The following ACTR5 variants were observed in gnomAD, a reference collection of about 807,000 sequenced individuals.
The protein encoded by ACTR5 is actin related protein 5.
Under a neutral mutation model 61.2 loss-of-function variants are expected in ACTR5, and 43 were observed. The ratio of observed to expected loss-of-function variants is 0.70; its 90% CI spans 0.55 to 0.91. The LOEUF is 0.91. Ranked by LOEUF, ACTR5 falls within the 40% of genes least tolerant of loss-of-function variation. The pLI, the probability that ACTR5 is intolerant of heterozygous loss-of-function variation, is 0.00. For missense variants in ACTR5, 798 were observed against 782.2 expected, an observed-to-expected ratio of 1.02 and a Z score of -0.24; for synonymous variants, 333 against 310.5, an observed-to-expected ratio of 1.07 and a Z score of -0.76.
At chr20:38,754,704 C>T (rs991331308) in intron 3 of ACTR5, among the ~76,000 whole-genome samples, 9 of 152,004 alleles carry the variant, frequency 5.9e-5, no homozygotes, top group Non-Finnish European at 1.0e-4. Flanking sequence ...GGTGACAGGG[C>T]GAGCCTCCCG....
In ACTR5 at chr20:38,748,914, C is replaced by G; in HGVS notation, c.375+61C>G. The G allele has an allele frequency of 8.5e-6, 13 of 1,530,014 alleles. No homozygotes were observed. The South Asian group carries it at 1.5e-4, about 18-fold the overall frequency. The allele number at this position is 1,530,014 out of a possible 1,614,324, so 94.8% of individuals were successfully genotyped here. On this transcript the variant is annotated intron_variant, in intron 1 of 8. Coordinates refer to ENST00000243903, the MANE Select transcript of ACTR5 (RefSeq NM_024855.4). ...GAGGGGAGGGGTGCGGTCTCGTCTC[C>G]GCTCACTCTGCTCTCGGAGAGGTAA...
chr20:38,763,437 C>T lies in ACTR5; in HGVS notation c.1177-1965C>T, dbSNP rs1222275372. Among the ~76,000 whole-genome samples the T allele has an allele frequency of 2.0e-5, 3 of 152,322 alleles. No homozygotes were observed. In the East Asian group the frequency reaches 5.8e-4, roughly 29 times the overall value. ...GCTGTCCCTGCTGGGACAGAGGAGC[C>T]TGTCATTGCCTCAGCTGGTCTTGCT... On this transcript the variant is annotated intron_variant, in intron 5 of 8. Coordinates refer to ENST00000243903, the MANE Select transcript of ACTR5 (RefSeq NM_024855.4).
At position 38,771,639 on chromosome 20, in the gene ACTR5, A is replaced by T; in HGVS notation, c.1647A>T (p.Glu549Asp). 4 of 1,614,142 alleles carry T rather than the reference A, an allele frequency of 2.5e-6. No homozygotes were observed. Among genetic ancestry groups the T allele is most frequent in the Non-Finnish European group, 3.4e-6 (4 of 1,180,024 alleles). Residue 549 changes from glutamate to aspartate, a missense_variant, in exon 9 of 9, where the codon GAA becomes GAT. Physicochemically the swap from Glu to Asp is conservative, Grantham distance 45. Transcript: ENST00000243903. ...CCTTGAACCACCTAGATGATAATGA[A>T]GTTTGGATCACCAGGAAAGAGTATG... is the stretch of plus-strand genomic sequence containing the variant. The part of the protein sequence containing the change: ...DWALNHLDDN[E>D]VWITRKEYEE...
chr20:38,750,738 C>G (rs2084382736), intron 2 of ACTR5, among the ~76,000 whole-genome samples: 1 of 152,062 alleles, frequency 6.6e-6, no homozygotes, highest in Non-Finnish European at 1.5e-5. Flanking sequence ...AATTGATTCT[C>G]CTGCCTCAGC....
intron 5 of ACTR5, among the ~76,000 whole-genome samples, chr20:38,762,158 C>T (rs1016534175): frequency 8.5e-5 from 13 of 152,174 alleles, no homozygotes; most frequent in African/African-American, 3.1e-4. Flanking sequence ...GGACTGGAAT[C>T]AGCTGGAGGG....
At chr20:38,756,273 C>G (rs1052658928) in intron 5 of ACTR5, among the ~76,000 whole-genome samples, 1 of 152,224 alleles carries the variant, frequency 6.6e-6, no homozygotes, top group Non-Finnish European at 1.5e-5. Flanking sequence ...GAAGAACATT[C>G]ACACACCAAA....
intron 8 of ACTR5, among the ~76,000 whole-genome samples, chr20:38,769,659 C>T (rs1010386827): frequency 3.9e-5 from 6 of 152,064 alleles, no homozygotes; most frequent in Non-Finnish European, 5.9e-5. Context: ...GCTGGATGAG[C>T]GCTCGGTGGG....
rs1265939936 is a variant in ACTR5 at position 38,750,223 on chromosome 20, C to A, written c.589C>A (p.Pro197Thr). Residue 197 changes from proline (P) to threonine (T), a missense_variant, in exon 2 of 9, where the codon CCC becomes ACC. Transcript: ENST00000243903. ...TGGATACCAGTGTACGCATGTTTTA[C>A]CCATCTTAGAAGGGAGGTGAGTTGC... The part of the protein sequence containing the change: ...SSGYQCTHVL[P>T]ILEGRLDAKN... 6.2e-7 allele frequency: 1 copy of A among 1,613,874 alleles called. No individual in the cohort carries two copies. Among genetic ancestry groups the A allele is most frequent in the Non-Finnish European group, 8.5e-7 (1 of 1,179,946 alleles).
chr20:38,765,286 T>C, intron 5 of ACTR5, 116 bp from the exon 6 acceptor site: 1 of 735,988 alleles, frequency 1.4e-6, no homozygotes, highest in Non-Finnish European at 2.3e-6. Context: ...TTCATAGTTT[T>C]TATGTAAGGT....
At chr20:38,750,711 G>A (rs530247530) in intron 2 of ACTR5, among the ~76,000 whole-genome samples, 31 of 151,938 alleles carry the variant, frequency 2.0e-4, no homozygotes, top group South Asian at 4.2e-4. Flanking sequence ...TCAGGGCAAC[G>A]TCCGCCTCCC....
intron 2 of ACTR5, among the ~76,000 whole-genome samples, chr20:38,750,820 A>G (rs2084383286): frequency 6.6e-6 from 1 of 151,962 alleles, no homozygotes; most frequent in Non-Finnish European, 1.5e-5. Flanking sequence ...TTAGTGAGAC[A>G]GGGTTTCACC....
chr20:38,754,268 T>C (rs772960311), intron 3 of ACTR5, among the ~76,000 whole-genome samples: 1 of 152,226 alleles, frequency 6.6e-6, no homozygotes, highest in African/African-American at 2.4e-5. Context: ...TGTTTCTCGC[T>C]GAAGAACTTA....
intron 1 of ACTR5, 47 bp from the exon 2 acceptor site, chr20:38,749,963 G>A (rs1482912384): frequency 1.3e-6 from 2 of 1,534,704 alleles, no homozygotes; most frequent in Non-Finnish European, 1.8e-6. Flanking sequence ...GCTTCAAAAA[G>A]AGTATTCTGT....
chr20:38,752,013 A>G (rs2145664121), intron 2 of ACTR5, 118 bp from the exon 3 acceptor site: 2 of 1,181,226 alleles, frequency 1.7e-6, no homozygotes, highest in Non-Finnish European at 2.4e-6. Flanking sequence ...CAGGTTTTGT[A>G]TTTCTCCTGC....
At chr20:38,755,307 G>A in intron 4 of ACTR5, 133 bp downstream of exon 4, 2 of 903,372 alleles carry the variant, frequency 2.2e-6, no homozygotes, top group Non-Finnish European at 3.3e-6. Context: ...AGGAGTCCAG[G>A]GGGATCATCA....
chr20:38,760,982 CGAT>C (rs2084450648), intron 5 of ACTR5, among the ~76,000 whole-genome samples: 1 of 151,944 alleles, frequency 6.6e-6, no homozygotes, highest in Non-Finnish European at 1.5e-5. Context: ...GGGAATGAGA[CGAT>C]GAGATTTTGT....
In ACTR5 at chr20:38,748,664, C is replaced by T. The variant is rs751478524; in HGVS notation, c.186C>T (p.Arg62=). 7.9e-6 allele frequency: 12 copies of T among 1,517,400 alleles called. No homozygotes were observed. Among genetic ancestry groups the T allele is most frequent in the Non-Finnish European group, 9.7e-6 (11 of 1,135,422 alleles). 94.0% of individuals were successfully genotyped at this position (1,517,400 alleles called of 1,614,324 possible). The change falls in exon 1 of 9, where the codon CGC becomes CGT. Residue 62 remains arginine (R), a synonymous_variant. Transcript: ENST00000243903. The part of the protein sequence containing the change: ...DPGPEPRLQF[R]AVCARGRGGA... ...GTCCCGAGCCGCGCCTGCAGTTCCG[C>T]GCGGTGTGCGCCCGCGGTCGTGGCG...
At chr20:38,754,434 G>A (rs1041713970) in intron 3 of ACTR5, among the ~76,000 whole-genome samples, 3 of 152,078 alleles carry the variant, frequency 2.0e-5, no homozygotes, top group Admixed American at 6.5e-5. Flanking sequence ...AAACAATGGA[G>A]TCGGCCGGGC....
At chr20:38,754,575 C>T (rs999497640) in intron 3 of ACTR5, among the ~76,000 whole-genome samples, 12 of 151,710 alleles carry the variant, frequency 7.9e-5, no homozygotes, top group African/African-American at 2.4e-4. Context: ...AAAAATTAGC[C>T]GGGCATGGTG....
Sources: allele counts gnomAD v4.1 joint callset (sites outside exome capture counted in the v4.1 genomes callset), GRCh38; gene constraint gnomAD v4.1.1; transcripts MANE v1.5; gene names NCBI Gene and HGNC (gene_info 2026-07-23, HGNC 2026-07-21).